The following FNIP2 variants were observed in gnomAD, a reference collection of about 807,000 sequenced individuals.
FNIP2 encodes folliculin-interacting protein 2.
A neutral mutation model predicts 108.7 loss-of-function variants in FNIP2; 32 were observed. That is an observed-to-expected ratio of 0.29 (90% CI 0.22 to 0.40). FNIP2 has a LOEUF of 0.40. FNIP2 is among the 10% of genes least tolerant of loss of function. The pLI, the probability that FNIP2 is intolerant of heterozygous loss-of-function variation, is 1.00. For missense variants in FNIP2, 1,202 were observed against 1,381.6 expected (o/e 0.87, Z 2.06); for synonymous variants, 480 against 496.7 (o/e 0.97, Z 0.45).
chr4:158,867,848 A>C (rs11726096), intron 12 of FNIP2, among the ~76,000 whole-genome samples: 45,447 of 152,030 alleles, frequency 0.3, 7,454 homozygotes, highest in Non-Finnish European at 0.38. Flanking sequence ...CCAGCAGGCA[A>C]TGGGAGGGGC....
chr4:158,873,815 G>A (rs1781099714), intron 14 of FNIP2, among the ~76,000 whole-genome samples: 1 of 152,202 alleles, frequency 6.6e-6, no homozygotes, highest in African/African-American at 2.4e-5. Context: ...TTAGTGTAAA[G>A]TAATACGGTT....
chr4:158,855,122 C>T (rs2126662429), intron 8 of FNIP2, among the ~76,000 whole-genome samples: 1 of 152,236 alleles, frequency 6.6e-6, no homozygotes, highest in East Asian at 1.9e-4. Flanking sequence ...TTTTGAGCCC[C>T]TGTCCTTCAG....
intron 15 of FNIP2, 136 bp downstream of exon 15, chr4:158,891,782 C>T: frequency 1.2e-6 from 1 of 812,732 alleles, no homozygotes; most frequent in Non-Finnish European, 1.9e-6. Flanking sequence ...CTAGAACATG[C>T]AGCATAAAAC....
chr4:158,872,712 TG>T, intron 14 of FNIP2: 1 of 984,498 alleles, frequency 1.0e-6, no homozygotes, highest in Non-Finnish European at 1.2e-6. Context: ...CTGTTTAAAC[TG>T]GCGCTCTGGT....
At chr4:158,902,374 G>T (rs535984465) in intron 16 of FNIP2, among the ~76,000 whole-genome samples, 5 of 152,152 alleles carry the variant, frequency 3.3e-5, no homozygotes, top group Non-Finnish European at 7.4e-5. Context: ...TCCCAGAGGG[G>T]CACCCACCAG....
In FNIP2 at chr4:158,907,014, C is replaced by A. The variant is rs1326073991; in HGVS notation, c.*2470C>A. Reference sequence around the variant, plus strand: ...CAGGATTCCACCTTTAGGGTTTCTTCAACTTTTAAGTCTTACCTGTTGAGT... The same window carrying A: ...CAGGATTCCACCTTTAGGGTTTCTTAAACTTTTAAGTCTTACCTGTTGAGT... On this transcript the variant is annotated 3_prime_UTR_variant, in exon 17 of 17. Coordinates refer to ENST00000264433, the MANE Select transcript of FNIP2 (RefSeq NM_020840.3). 6.6e-6 allele frequency: 1 copy of A among 152,188 alleles called. No homozygotes were observed. Among genetic ancestry groups the A allele is most frequent in the East Asian group, 1.9e-4 (1 of 5,204 alleles). 9.4% of individuals were successfully genotyped at this position (152,188 alleles called of 1,614,324 possible).
At chr4:158,836,390 T>G (rs987869700) in intron 7 of FNIP2, 2 of 152,202 alleles carry the variant, frequency 1.3e-5, no homozygotes, top group Non-Finnish European at 2.9e-5. Flanking sequence ...GTCTCCAGTT[T>G]GGTTTACATA....
chr4:158,815,497 C>T (rs1158672671), intron 1 of FNIP2, among the ~76,000 whole-genome samples: 1 of 151,346 alleles, frequency 6.6e-6, no homozygotes, highest in Non-Finnish European at 1.5e-5. Flanking sequence ...GTTCTCCTGT[C>T]TCAGCCTCCC....
chr4:158,895,655 G>A, intron 15 of FNIP2, 95 bp from the exon 16 acceptor site: 1 of 751,118 alleles, frequency 1.3e-6, no homozygotes, highest in Non-Finnish European at 2.3e-6. Context: ...GATAAAAGCT[G>A]TGTAGTTAGA....
chr4:158,818,556 C>T (rs1229590996), intron 1 of FNIP2, among the ~76,000 whole-genome samples: 1 of 152,140 alleles, frequency 6.6e-6, no homozygotes, highest in Non-Finnish European at 1.5e-5. Flanking sequence ...GTATTCATAA[C>T]TTGGGCTGGT....
At chr4:158,786,621 G>T (rs1269556574) in intron 1 of FNIP2, among the ~76,000 whole-genome samples, 1 of 152,108 alleles carries the variant, frequency 6.6e-6, no homozygotes, top group East Asian at 1.9e-4. Flanking sequence ...ACTATAAATT[G>T]TGCCTGTCCT....
At chr4:158,885,307 A>C (rs1486228072) in intron 14 of FNIP2, among the ~76,000 whole-genome samples, 1 of 152,216 alleles carries the variant, frequency 6.6e-6, no homozygotes, top group African/African-American at 2.4e-5. Context: ...ACACAGAGCC[A>C]AACCATATCA....
Position 158,868,096 on chromosome 4 carries a change from C to T in FNIP2, c.1466-6C>T. 6.2e-7 allele frequency: 1 copy of T among 1,612,654 alleles called. No homozygotes were observed. Among genetic ancestry groups the T allele is most frequent in the Non-Finnish European group, 8.5e-7 (1 of 1,178,912 alleles). On this transcript the variant is annotated splice_polypyrimidine_tract_variant and splice_region_variant and intron_variant, in intron 12 of 16. Coordinates refer to ENST00000264433, the MANE Select transcript of FNIP2 (RefSeq NM_020840.3). The surrounding 1 kb of genome is among the most constrained non-coding windows in gnomAD (Gnocchi z 4.6). ...CACTGCCTTTGTGTCCACCTTTGCT[C>T]TCTAGGTGATCTTTACGGAGCCATA... is the stretch of plus-strand genomic sequence containing the variant.
At chr4:158,798,211 C>T (rs371587645) in intron 1 of FNIP2, among the ~76,000 whole-genome samples, 15 of 151,930 alleles carry the variant, frequency 9.9e-5, no homozygotes, top group Admixed American at 2.6e-4. Context: ...ATTACACGCA[C>T]GCACCACCAT....
chr4:158,861,274 T>A, intron 10 of FNIP2, 68 bp from the exon 11 acceptor site: 2 of 1,507,674 alleles, frequency 1.3e-6, no homozygotes, highest in Non-Finnish European at 1.8e-6. Flanking sequence ...CCTTTATTCT[T>A]TTACACCAAG....
intron 1 of FNIP2, among the ~76,000 whole-genome samples, chr4:158,820,665 G>C (rs977207783): frequency 5.3e-5 from 8 of 151,560 alleles, no homozygotes; most frequent in Admixed American, 5.3e-4. Context: ...AGCCTCATTT[G>C]CTGTGTGGTT....
intron 12 of FNIP2, among the ~76,000 whole-genome samples, chr4:158,863,593 C>T (rs751474825): frequency 6.6e-6 from 1 of 152,096 alleles, no homozygotes; most frequent in South Asian, 2.1e-4. Flanking sequence ...ACAATGTGAT[C>T]GCCACCCATT....
At chr4:158,896,237 TGGA>T (rs1051211270) in intron 16 of FNIP2, among the ~76,000 whole-genome samples, 3 of 152,150 alleles carry the variant, frequency 2.0e-5, no homozygotes, top group Admixed American at 6.5e-5. Flanking sequence ...TTTCACTTCC[TGGA>T]GGAGGAGTAG....
At chr4:158,884,807 G>T (rs1781929141) in intron 14 of FNIP2, among the ~76,000 whole-genome samples, 1 of 152,070 alleles carries the variant, frequency 6.6e-6, no homozygotes, top group African/African-American at 2.4e-5. Flanking sequence ...GGCAACAGGA[G>T]AGAGAGCAAG....
Sources: allele counts gnomAD v4.1 joint callset (sites outside exome capture counted in the v4.1 genomes callset), GRCh38; gene constraint gnomAD v4.1.1; non-coding constraint Gnocchi (gnomAD v3.1); transcripts MANE v1.5; gene names NCBI Gene and HGNC (gene_info 2026-07-23, HGNC 2026-07-21).